Variants in ADAM15 observed in about 807,000 individuals in gnomAD.
ADAM15 encodes ADAM metallopeptidase domain 15.
A neutral mutation model predicts 113.8 loss-of-function variants in ADAM15; 77 were observed. The observed-to-expected ratio is 0.68, with a 90% CI of 0.56 to 0.82. The LOEUF (loss-of-function observed/expected upper bound fraction) is 0.82, where lower values mean the gene tolerates loss of function less well. Ranked by LOEUF, ADAM15 falls within the 40% of genes least tolerant of loss-of-function variation. The pLI is 0.00. For synonymous variants in ADAM15, 388 were observed against 454.1 expected (o/e 0.85, Z 1.85); for missense variants, 963 against 1,120.1 (o/e 0.86, Z 2.00).
intron 1 of ADAM15, 29 bp from the exon 2 acceptor site, chr1:155,052,642 A>C: frequency 6.3e-7 from 1 of 1,579,330 alleles, no homozygotes; most frequent in Non-Finnish European, 8.6e-7. Context: ...TTCCCTCAGT[A>C]CTGTCTTGGG....
chr1:155,059,153 T>C (rs751101096), intron 16 of ADAM15, among the ~76,000 whole-genome samples: 4 of 152,122 alleles, frequency 2.6e-5, no homozygotes, highest in Admixed American at 6.6e-5. Flanking sequence ...CTGCAACCTC[T>C]GCCTCCCAGG....
Position 155,052,559 on chromosome 1 carries a change from G to C in ADAM15, c.80-112G>C, listed in dbSNP as rs747979229. On this transcript the variant is annotated intron_variant, in intron 1 of 22. Coordinates refer to ENST00000356955, the MANE Select transcript of ADAM15 (RefSeq NM_207197.3). ...CAGCATGCAATGTGGAAGCCCCTCAGGTACCTAAGGGTCTTGATGGGCTGG... is the reference window on the plus strand; with the variant it reads ...CAGCATGCAATGTGGAAGCCCCTCACGTACCTAAGGGTCTTGATGGGCTGG... 9.7e-6 allele frequency: 15 copies of C among 1,550,628 alleles called. No homozygotes were observed. In the South Asian group the frequency reaches 1.7e-4, roughly 17 times the overall value.
rs911249642 is a variant in ADAM15 at position 155,057,611 on chromosome 1, C to T, written c.1324-26C>T. 7 of 1,612,726 alleles carry T rather than the reference C, an allele frequency of 4.3e-6. No homozygotes were observed. Among genetic ancestry groups the T allele is most frequent in the Non-Finnish European group, 5.9e-6 (7 of 1,178,848 alleles). On this transcript the variant is annotated intron_variant, in intron 12 of 22. Transcript: ENST00000356955. This position sits in a 1 kb window ranked among gnomAD's most constrained non-coding sequence, Gnocchi z 5.0. The stretch of plus-strand genomic sequence containing the variant: ...CTCACAGGCCCCACCTGCTCTGATG[C>T]CCGGCCCCCGTGCTCCTGCCCACAG...
chr1:155,058,624 C>T lies in ADAM15; in HGVS notation c.1918-86C>T, dbSNP rs1416062656. 7 of 1,562,114 alleles carry T rather than the reference C, an allele frequency of 4.5e-6. No individual in the cohort carries two copies. On this transcript the variant is annotated intron_variant, in intron 15 of 22. Transcript: ENST00000356955. The surrounding 1 kb of genome is among the most constrained non-coding windows in gnomAD (Gnocchi z 4.3). Reference sequence around the variant, plus strand: ...GCCTTGGTTTCCCCATCTGTAAACGCAGGGTATGGCCTCAACCTTATTGGC... The same window carrying T: ...GCCTTGGTTTCCCCATCTGTAAACGTAGGGTATGGCCTCAACCTTATTGGC...
chr1:155,058,310 C>G lies in ADAM15; in HGVS notation c.1786C>G (p.Arg596Gly). ...GACCCAGCCTCTGCTGGGCTCCATC[C>G]GGGATCTACTCTGGGAGACAATAGA... The part of the protein sequence containing the change: ...GRTQPLLGSI[R>G]DLLWETIDVN... The change falls in exon 15 of 23, where the codon CGG becomes GGG. Residue 596 changes from arginine (R) to glycine (G), a missense_variant. By Grantham distance (125) the Arg-to-Gly change is moderately radical. Transcript: ENST00000356955. The surrounding 1 kb of genome is among the most constrained non-coding windows in gnomAD (Gnocchi z 4.3). The G allele has an allele frequency of 6.2e-7, 1 of 1,614,098 alleles. No individual in the cohort carries two copies.
At chr1:155,059,319 A>C (rs1571626435) in intron 16 of ADAM15, among the ~76,000 whole-genome samples, 1 of 152,038 alleles carries the variant, frequency 6.6e-6, no homozygotes. Flanking sequence ...CTCCCGCCTC[A>C]GCCTCCCAAA....
chr1:155,061,821 A>G (rs1297355541), intron 20 of ADAM15, 83 bp from the exon 21 acceptor site: 1 of 1,400,002 alleles, frequency 7.1e-7, no homozygotes, highest in Non-Finnish European at 9.6e-7. Context: ...TTGCATGTTG[A>G]CTTGAACCCC....
At chr1:155,052,229 G>A in intron 1 of ADAM15, 1 of 479,044 alleles carries the variant, frequency 2.1e-6, no homozygotes, top group Non-Finnish European at 3.8e-6. Context: ...TGTTTGCACT[G>A]CTCACCCAGA....
In ADAM15 at chr1:155,056,012, AC is replaced by A; in HGVS notation, c.744+13del. ...TCTTGCTGGACACAGTGAGTGCTGG[AC>A]AGGGCAACCCCCACCCCAGGCCCCT... On this transcript the variant is annotated intron_variant, in intron 8 of 22. Transcript: ENST00000356955. This position sits in a 1 kb window ranked among gnomAD's most constrained non-coding sequence, Gnocchi z 4.0. The A allele has an allele frequency of 6.2e-7, 1 of 1,613,454 alleles. No homozygotes were observed. The highest frequency in any genetic ancestry group is 8.5e-7 in the Non-Finnish European group (1 of 1,180,002).
At chr1:155,055,516 G>A (rs1661637365) in intron 6 of ADAM15, 12 of 451,450 alleles carry the variant, frequency 2.7e-5, no homozygotes, top group South Asian at 1.7e-4. Flanking sequence ...GTGAGCCACC[G>A]CACCCAGCTA....
chr1:155,060,192 C>A lies in ADAM15; in HGVS notation c.2069-13C>A. 6.2e-7 allele frequency: 1 copy of A among 1,613,544 alleles called. No individual in the cohort carries two copies. Among genetic ancestry groups the A allele is most frequent in the Non-Finnish European group, 8.5e-7 (1 of 1,179,586 alleles). On this transcript the variant is annotated splice_polypyrimidine_tract_variant and intron_variant, in intron 17 of 22. Transcript: ENST00000356955. ...TAGCCCCGTCCTCCCTTAAACCTGA[C>A]TTCCGCCCACAGCAACCAGCTCCCT...
At position 155,058,381 on chromosome 1, in the gene ADAM15, G is replaced by A. The variant is rs1662083626; in HGVS notation, c.1857G>A (p.Leu619=). 6.2e-7 allele frequency: 1 copy of A among 1,613,668 alleles called. No individual in the cohort carries two copies. The highest frequency in any genetic ancestry group is 1.3e-5 in the African/African-American group (1 of 74,926). ...ACTGCAGCTGGGTGCACCTGGACCT[G>A]GGCAGTGATGTGGCCCAGCCCCTCC... is the stretch of plus-strand genomic sequence containing the variant. The part of the protein sequence containing the change: ...ELNCSWVHLD[L]GSDVAQPLLT... The change falls in exon 15 of 23, where the codon CTG becomes CTA. Residue 619 remains leucine (L), a synonymous_variant. Transcript: ENST00000356955. The surrounding 1 kb of genome is among the most constrained non-coding windows in gnomAD (Gnocchi z 4.3).
At position 155,057,883 on chromosome 1, in the gene ADAM15, C is replaced by T. The variant is rs964484022; in HGVS notation, c.1449C>T (p.Thr483=). ...CGTCTGGCTGGCAGTGTCGTCCTAC[C>T]AGAGGGGATTGTGACTTGCCTGAAT... ...LRPSGWQCRP[T]RGDCDLPEFC... is the part of the protein sequence containing the mutation. The change falls in exon 14 of 23, where the codon ACC becomes ACT. Residue 483 remains threonine (T), a synonymous_variant. Transcript: ENST00000356955. The surrounding 1 kb of genome is among the most constrained non-coding windows in gnomAD (Gnocchi z 5.0). The T allele has an allele frequency of 6.2e-7, 1 of 1,613,370 alleles. No individual in the cohort carries two copies. Among genetic ancestry groups the T allele is most frequent in the African/African-American group, 1.3e-5 (1 of 75,052 alleles).
At chr1:155,051,728 C>T in intron 1 of ADAM15, 1 of 377,970 alleles carries the variant, frequency 2.6e-6, no homozygotes, top group Non-Finnish European at 4.8e-6. Context: ...GGCTCAGGTA[C>T]CAGGTACCGA....
Position 155,052,611 on chromosome 1 carries a change from C to T in ADAM15, c.80-60C>T, listed in dbSNP as rs537363225. The T allele has an allele frequency of 1.2e-5, 19 of 1,555,858 alleles. 1 individual carries two copies. In the South Asian group the frequency reaches 2.3e-4, roughly 18 times the overall value. ...AGCTGGTGGATCTGAGGGCACCTGT[C>T]ACCCCCAGCCCTGCTGTCGATTCCC... is the stretch of plus-strand genomic sequence containing the variant. On this transcript the variant is annotated intron_variant, in intron 1 of 22. Transcript: ENST00000356955.
chr1:155,058,030 G>A lies in ADAM15; in HGVS notation c.1596G>A (p.Gln532=), dbSNP rs1662034752. The A allele has an allele frequency of 3.1e-6, 5 of 1,613,980 alleles. No individual in the cohort carries two copies. The highest frequency in any genetic ancestry group is 2.2e-5 in the East Asian group (1 of 44,906). ...GRCASYAQQC[Q]SLWGPGAQPA... is the part of the protein sequence containing the mutation. ...GTGCCTCCTATGCCCAGCAGTGCCA[G>A]TCACTTTGGGGACCTGGAGCCCAGC... The change falls in exon 14 of 23, where the codon CAG becomes CAA. Residue 532 remains glutamine, a synonymous_variant. Transcript: ENST00000356955. This position sits in a 1 kb window ranked among gnomAD's most constrained non-coding sequence, Gnocchi z 4.3.
At position 155,060,746 on chromosome 1, in the gene ADAM15, C is replaced by T. The variant is rs1385612841; in HGVS notation, c.2208-17C>T. ...TGAGGCTGGGCCCTCTCCCTTCTTG[C>T]CTTTCCTCATGCATAGGGCAGCCCA... is the stretch of plus-strand genomic sequence containing the variant. On this transcript the variant is annotated splice_polypyrimidine_tract_variant and intron_variant, in intron 18 of 22. Transcript: ENST00000356955. 1.2e-6 allele frequency: 2 copies of T among 1,613,184 alleles called. No homozygotes were observed. Among genetic ancestry groups the T allele is most frequent in the South Asian group, 2.2e-5 (2 of 91,082 alleles).
chr1:155,057,934 T>A lies in ADAM15; in HGVS notation c.1500T>A (p.Cys500Ter), dbSNP rs1276043241. The change falls in exon 14 of 23, where the codon TGT becomes TGA. Residue 500 changes from cysteine (C) to a stop codon, truncating the protein, a stop_gained. Transcript: ENST00000356955. LOFTEE classifies it high-confidence loss of function. This position sits in a 1 kb window ranked among gnomAD's most constrained non-coding sequence, Gnocchi z 5.0. Reference sequence around the variant, plus strand: ...TCTGCCCAGGAGACAGCTCCCAGTGTCCCCCTGATGTCAGCCTAGGGGATG... The same window carrying A: ...TCTGCCCAGGAGACAGCTCCCAGTGACCCCCTGATGTCAGCCTAGGGGATG... ...PEFCPGDSSQ[C>*]PPDVSLGDGE... is the part of the protein sequence containing the mutation. The A allele has an allele frequency of 1.2e-6, 2 of 1,612,262 alleles. No individual in the cohort carries two copies. Among genetic ancestry groups the A allele is most frequent in the African/African-American group, 2.7e-5 (2 of 74,900 alleles).
chr1:155,054,945 TAATA>T (rs542944861), intron 6 of ADAM15, among the ~76,000 whole-genome samples: 98 of 152,298 alleles, frequency 6.4e-4, no homozygotes, highest in African/African-American at 2.3e-3. Context: ...GCCCTACAAC[TAATA>T]AATGGCCTAT....
Sources: gnomAD v4.1 joint callset for allele counts (sites outside exome capture counted in the v4.1 genomes callset) on GRCh38, gnomAD v4.1.1 for gene constraint, Gnocchi (gnomAD v3.1) non-coding constraint, MANE v1.5 for transcripts, NCBI Gene and HGNC (gene_info 2026-07-23, HGNC 2026-07-21) for gene names.